DIXDC1: variants seen among roughly 807,000 people sequenced by gnomAD.
DIXDC1 encodes DIX domain containing 1, also known as dixin.
DIXDC1 carries 64 observed loss-of-function variants against 103.1 expected under a neutral mutation model. The ratio of observed to expected loss-of-function variants is 0.62; its 90% confidence interval spans 0.51 to 0.76. The LOEUF is 0.76. Ranked by LOEUF, DIXDC1 falls within the 30% of genes least tolerant of loss-of-function variation. The pLI, the probability that DIXDC1 is intolerant of heterozygous loss-of-function variation, is 0.00. For synonymous variants in DIXDC1, 266 were observed against 298.5 expected (o/e 0.89, Z 1.12); for missense variants, 759 against 834.2 (o/e 0.91, Z 1.11).
At chr11:111,970,201 A>C (rs1859869420) in intron 3 of DIXDC1, among the ~76,000 whole-genome samples, 1 of 152,126 alleles carries the variant, frequency 6.6e-6, no homozygotes, top group African/African-American at 2.4e-5. Flanking sequence ...AACTACAGGC[A>C]TGCGCCACCA....
Position 111,964,583 on chromosome 11 carries a change from C to T in DIXDC1, c.95C>T (p.Ala32Val), listed in dbSNP as rs114492987. The change falls in exon 2 of 20, where the codon GCA (alanine) becomes GTA (valine). Residue 32 changes from alanine to valine, a missense_variant. Transcript: ENST00000440460. ...QLQAYVAWVN[A>V]QLKKRPAVKP... ...CAGGCCTATGTGGCCTGGGTGAATG[C>T]ACAGCTGAAGAAGAGGCCAGCAGTG... 2,377 of 1,609,126 alleles carry T rather than the reference C, an allele frequency of 1.5e-3. 33 individuals carry two copies. In the African/African-American group the frequency reaches 0.026, roughly 18 times the overall value.
chr11:112,008,952 A>T (rs1320134027), intron 17 of DIXDC1, among the ~76,000 whole-genome samples: 20 of 152,188 alleles, frequency 1.3e-4, no homozygotes, highest in Admixed American at 7.9e-4. Context: ...GAAATAACTA[A>T]GATTGGAGCA....
chr11:111,994,696 C>T (rs587596823), intron 14 of DIXDC1, among the ~76,000 whole-genome samples: 1 of 151,782 alleles, frequency 6.6e-6, no homozygotes, highest in South Asian at 2.1e-4. Flanking sequence ...ATTACTGAAG[C>T]AAAGCCAGGC....
chr11:112,004,063 T>TGTGTATATA (rs1468085983), intron 17 of DIXDC1, among the ~76,000 whole-genome samples: 1 of 147,122 alleles, frequency 6.8e-6, no homozygotes. Context: ...TGTATATATA[T>TGTGTATATA]GTGTATATAT....
chr11:111,986,724 T>C (rs1406530946), intron 8 of DIXDC1, 147 bp from the exon 9 acceptor site: 3 of 561,582 alleles, frequency 5.3e-6, no homozygotes, highest in East Asian at 3.1e-5. Context: ...TGCATATACT[T>C]ACATCAGAGA....
chr11:112,017,887 TAAAG>T lies in DIXDC1; in HGVS notation c.1971+5_1971+8del. 1.2e-6 allele frequency: 2 copies of T among 1,602,442 alleles called. No homozygotes were observed. The highest frequency in any genetic ancestry group is 1.7e-6 in the Non-Finnish European group (2 of 1,173,494). On this transcript the variant is annotated splice_donor_5th_base_variant and intron_variant, in intron 19 of 19. Transcript: ENST00000440460. The surrounding 1 kb of genome is among the most constrained non-coding windows in gnomAD (Gnocchi z 4.0). ...GAGTTTGGCACTGTCAAAGAGGAGG[TAAAG>T]AATCTGTGGGGAGTCTGTATGGTAT...
chr11:111,943,445 C>T (rs781983229), intron 1 of DIXDC1, among the ~76,000 whole-genome samples: 165 of 147,248 alleles, frequency 1.1e-3, no homozygotes, highest in Non-Finnish European at 1.6e-3. Context: ...CGCCCGGCTA[C>T]GATTTAAAGC....
Position 111,980,709 on chromosome 11 carries a change from GTTTTTCTTCC to G in DIXDC1, c.657-18_657-9del, listed in dbSNP as rs1174261583. On this transcript the variant is annotated intron_variant, in intron 5 of 19. Coordinates refer to ENST00000440460, the MANE Select transcript of DIXDC1 (RefSeq NM_001037954.4). ...TTCTGAACAACTCTTCATAATAATC[GTTTTTCTTCC>G]TTTTTCTTCAATCACAGCCTGACTT... is the stretch of plus-strand genomic sequence containing the variant. 1.9e-6 allele frequency: 3 copies of G among 1,578,816 alleles called. No individual in the cohort carries two copies. The highest frequency in any genetic ancestry group is 4.5e-5 in the East Asian group (2 of 44,630).
intron 1 of DIXDC1, among the ~76,000 whole-genome samples, chr11:111,945,421 C>G (rs1966560082): frequency 6.6e-6 from 1 of 152,088 alleles, no homozygotes; most frequent in African/African-American, 2.4e-5. Flanking sequence ...GATACAATAC[C>G]AACCTGGTCA....
intron 5 of DIXDC1, chr11:111,975,944 A>T: frequency 6.5e-6 from 6 of 928,404 alleles, no homozygotes; most frequent in Non-Finnish European, 7.7e-6. Flanking sequence ...GCTCTTTCTT[A>T]CTTATAAAAT....
intron 19 of DIXDC1, 30 bp from the exon 20 acceptor site, chr11:112,018,926 T>A (rs1280225027): frequency 1.9e-6 from 3 of 1,596,902 alleles, no homozygotes; most frequent in Non-Finnish European, 2.6e-6. Context: ...TCCCTGTTTT[T>A]TCACTGTGGC....
At chr11:111,946,208 C>A (rs1217967905) in intron 1 of DIXDC1, among the ~76,000 whole-genome samples, 1 of 150,362 alleles carries the variant, frequency 6.7e-6, no homozygotes, top group Non-Finnish European at 1.5e-5. Context: ...TCCTGGGTTC[C>A]CGCCATTCTC....
At chr11:111,949,135 C>G (rs1382766091) in intron 1 of DIXDC1, among the ~76,000 whole-genome samples, 1 of 152,152 alleles carries the variant, frequency 6.6e-6, no homozygotes, top group Non-Finnish European at 1.5e-5. Flanking sequence ...GTGCTTAGCA[C>G]AATACCTGGC....
At chr11:112,005,849 G>GAA (rs1861219976) in intron 17 of DIXDC1, among the ~76,000 whole-genome samples, 1 of 152,084 alleles carries the variant, frequency 6.6e-6, no homozygotes, top group Non-Finnish European at 1.5e-5. Context: ...TAAGAATATA[G>GAA]AAAACCTGGG....
intron 3 of DIXDC1, among the ~76,000 whole-genome samples, chr11:111,972,696 A>G (rs1035776141): frequency 3.9e-5 from 6 of 152,052 alleles, no homozygotes; most frequent in African/African-American, 1.5e-4. Context: ...TTCCTCCACC[A>G]CAGTGCTGTG....
intron 15 of DIXDC1, 62 bp downstream of exon 15, chr11:111,995,170 A>G: frequency 6.5e-7 from 1 of 1,543,216 alleles, no homozygotes; most frequent in South Asian, 1.1e-5. Context: ...AGAGTGCCAA[A>G]GCCATGGCCA....
At chr11:111,952,684 G>A (rs1966841546) in intron 1 of DIXDC1, among the ~76,000 whole-genome samples, 1 of 152,084 alleles carries the variant, frequency 6.6e-6, no homozygotes. Flanking sequence ...GCCGGCTGTG[G>A]TGGTGCGTGC....
chr11:111,968,589 A>G lies in DIXDC1; in HGVS notation c.267A>G (p.Leu89=), dbSNP rs1859810370. The change falls in exon 3 of 20, where the codon CTA becomes CTG. Residue 89 remains leucine (L), a synonymous_variant. Transcript: ENST00000440460. The part of the protein sequence containing the change: ...QEMKNNVEKV[L]QFVASKKIRM... ...TGAAGAATAATGTGGAGAAAGTGCT[A>G]CAGTTTGTGGCCTCTAAAAAGATTC... 6.2e-7 allele frequency: 1 copy of G among 1,612,184 alleles called. No individual in the cohort carries two copies. The highest frequency in any genetic ancestry group is 8.5e-7 in the Non-Finnish European group (1 of 1,179,112).
Position 111,930,926 on chromosome 11 carries a change from T to C in DIXDC1, c.57+1016T>C, listed in dbSNP as rs1446787590. Among the ~76,000 whole-genome samples, 4 of 148,174 alleles carry C rather than the reference T, an allele frequency of 2.7e-5. No homozygotes were observed. In the East Asian group the frequency reaches 8.1e-4, roughly 30 times the overall value. ...TGGAGTTCAGTGGCACCATCTTGGCTCACTGCAACCTCCGCCTCCTGGGTT... is the reference window on the plus strand; with the variant it reads ...TGGAGTTCAGTGGCACCATCTTGGCCCACTGCAACCTCCGCCTCCTGGGTT... On this transcript the variant is annotated intron_variant, in intron 2 of 5. Coordinates refer to the DIXDC1 transcript ENST00000529225.
Sources: allele counts gnomAD v4.1 joint callset (sites outside exome capture counted in the v4.1 genomes callset), GRCh38; gene constraint gnomAD v4.1.1; non-coding constraint Gnocchi (gnomAD v3.1); transcripts MANE v1.5; gene names NCBI Gene and HGNC (gene_info 2026-07-23, HGNC 2026-07-21).